The following BPI variants were observed in gnomAD, a reference collection of about 807,000 sequenced individuals.
The protein encoded by BPI is bactericidal permeability-increasing protein.
In BPI, 48 loss-of-function variants were observed where a neutral mutation model predicts 57.6. The observed-to-expected ratio is 0.83, with a 90% CI of 0.66 to 1.06. BPI has a LOEUF of 1.06. Among genes scored for constraint, BPI ranks in the 50% least tolerant of loss-of-function variants. BPI has a pLI of 0.00. For missense variants in BPI, 651 were observed against 609.7 expected, an observed-to-expected ratio of 1.07 and a Z score of -0.71; for synonymous variants, 237 against 238.2, an observed-to-expected ratio of 0.99 and a Z score of 0.05.
In BPI at chr20:38,326,418, T is replaced by A. The variant is rs747746264; in HGVS notation, c.1147T>A (p.Phe383Ile). 1.2e-6 allele frequency: 2 copies of A among 1,613,642 alleles called. No individual in the cohort carries two copies. The highest frequency in any genetic ancestry group is 8.5e-7 in the Non-Finnish European group (1 of 1,179,800). ...VLPNSSLASL[F>I]LIGMHTTGSM... ...CCCCAACTCCTCCCTGGCTTCCCTC[T>A]TCCTGATTGGCATGGTAAGCAGTTC... Residue 383 changes from phenylalanine to isoleucine, a missense_variant, in exon 10 of 15, where the codon TTC (phenylalanine) becomes ATC (isoleucine). Transcript: ENST00000642449.
chr20:38,319,257 CA>C lies in BPI; in HGVS notation c.664+787del, dbSNP rs2076668885. ...CTCAAAAACAAAAAACAAAACAAAA[CA>C]AAAAACACATGAGGAACCTGAGGCT... is the stretch of plus-strand genomic sequence containing the variant. On this transcript the variant is annotated intron_variant, in intron 6 of 14. Transcript: ENST00000642449. Among the ~76,000 whole-genome samples, 3 of 151,998 alleles carry C rather than the reference CA, an allele frequency of 2.0e-5. No individual in the cohort carries two copies. In the South Asian group the frequency reaches 6.2e-4, roughly 32 times the overall value.
intron 14 of BPI, among the ~76,000 whole-genome samples, chr20:38,336,233 G>A (rs781221388): frequency 1.3e-5 from 2 of 151,610 alleles, no homozygotes; most frequent in Non-Finnish European, 2.9e-5. Context: ...TTGTTCTCCT[G>A]CCCCTTCTCT....
At chr20:38,320,075 C>T in intron 6 of BPI, 108 bp from the exon 7 acceptor site, 2 of 945,106 alleles carry the variant, frequency 2.1e-6, no homozygotes, top group Non-Finnish European at 3.4e-6. Flanking sequence ...GGGAATGAAA[C>T]TTGCACTGCA....
At chr20:38,332,703 G>A (rs1246310894) in intron 12 of BPI, among the ~76,000 whole-genome samples, 1 of 152,152 alleles carries the variant, frequency 6.6e-6, no homozygotes, top group Non-Finnish European at 1.5e-5. Context: ...GCTGGTAGGA[G>A]AGGGAAGAGC....
Position 38,337,265 on chromosome 20 carries a change from T to A in BPI, c.*81T>A. 1 of 1,264,640 alleles carries A rather than the reference T, an allele frequency of 7.9e-7. No individual in the cohort carries two copies. The highest frequency in any genetic ancestry group is 1.1e-6 in the Non-Finnish European group (1 of 903,918). 78.3% of individuals were successfully genotyped at this position (1,264,640 alleles called of 1,614,324 possible). On this transcript the variant is annotated 3_prime_UTR_variant, in exon 15 of 15. Coordinates refer to ENST00000642449, the MANE Select transcript of BPI (RefSeq NM_001725.3). ...GCACCGGCTGCCTTTCCCCAGGGAATCCTCTCCAGATCTTAACCAAGAGCC... is the reference window on the plus strand; with the variant it reads ...GCACCGGCTGCCTTTCCCCAGGGAAACCTCTCCAGATCTTAACCAAGAGCC...
rs2076730950 is a variant in BPI, at chr20:38,329,373, T to C, written c.1230-1675T>C. On this transcript the variant is annotated intron_variant, in intron 11 of 14. Coordinates refer to ENST00000642449, the MANE Select transcript of BPI (RefSeq NM_001725.3). ...CCGCCCTCTCCCTGGCACCAAGTCG[T>C]CCTTCTTCACCTTGAGACGAGCCCC... 1.3e-5 allele frequency among the ~76,000 whole-genome samples: 2 copies of C among 152,356 alleles called. 1 individual carries two copies. Among genetic ancestry groups the C allele is most frequent in the South Asian group, 4.1e-4 (2 of 4,828 alleles).
intron 3 of BPI, among the ~76,000 whole-genome samples, chr20:38,309,995 T>A (rs1162002723): frequency 6.6e-6 from 1 of 152,134 alleles, no homozygotes; most frequent in Non-Finnish European, 1.5e-5. Flanking sequence ...CCCTTAATGA[T>A]CACACACAAA....
chr20:38,330,384 A>C (rs1485819195), intron 11 of BPI, among the ~76,000 whole-genome samples: 1 of 152,210 alleles, frequency 6.6e-6, no homozygotes, highest in African/African-American at 2.4e-5. Flanking sequence ...ACTGGTATTC[A>C]GTGGGATAGA....
At chr20:38,330,795 G>A (rs2076738355) in intron 11 of BPI, among the ~76,000 whole-genome samples, 1 of 152,224 alleles carries the variant, frequency 6.6e-6, no homozygotes, top group South Asian at 2.1e-4. Context: ...AATGACTGTA[G>A]CAGAAGAAGT....
rs779087118 is a variant in BPI at position 38,307,643 on chromosome 20, G to C, written c.207G>C (p.Lys69Asn). The C allele has an allele frequency of 1.6e-5, 25 of 1,612,184 alleles. No homozygotes were observed. Among genetic ancestry groups the C allele is most frequent in the Non-Finnish European group, 2.0e-5 (24 of 1,179,232 alleles). ...IKIPDYSDSF[K>N]IKHLGKGHYS... is the part of the protein sequence containing the mutation. Reference sequence around the variant, plus strand: ...TTCCTGACTACTCAGACAGCTTTAAGATCAAGCATCTTGGGAAGGGGCATT... The same window carrying C: ...TTCCTGACTACTCAGACAGCTTTAACATCAAGCATCTTGGGAAGGGGCATT... The change falls in exon 2 of 15, where the codon AAG becomes AAC. Residue 69 changes from lysine to asparagine, a missense_variant. Coordinates refer to ENST00000642449, the MANE Select transcript of BPI (RefSeq NM_001725.3).
At chr20:38,317,958 C>T (rs1490834714) in intron 5 of BPI, 2 of 985,114 alleles carry the variant, frequency 2.0e-6, no homozygotes, top group Non-Finnish European at 2.4e-6. Context: ...CATGAGGGTG[C>T]CCACCTAGAC....
rs2076773383 is a variant in BPI, at chr20:38,337,503, G to A, written c.*319G>A. On this transcript the variant is annotated 3_prime_UTR_variant, in exon 15 of 15. Coordinates refer to ENST00000642449, the MANE Select transcript of BPI (RefSeq NM_001725.3). ...AAAAAACTTCTGGTTTTTTTCATGT[G>A]GATTCTGTGTGCTGGTATTGTTTCT... is the stretch of plus-strand genomic sequence containing the variant. The A allele has an allele frequency of 6.7e-6, 2 of 300,094 alleles. No individual in the cohort carries two copies. Among genetic ancestry groups the A allele is most frequent in the African/African-American group, 4.4e-5 (2 of 45,370 alleles). 18.6% of individuals were successfully genotyped at this position (300,094 alleles called of 1,614,324 possible).
Position 38,323,930 on chromosome 20 carries a change from T to C in BPI, c.817T>C (p.Phe273Leu). Residue 273 changes from phenylalanine to leucine, a missense_variant, in exon 8 of 15, where the codon TTT (phenylalanine) becomes CTT (leucine). Coordinates refer to ENST00000642449, the MANE Select transcript of BPI (RefSeq NM_001725.3). ...TCCCTTTGCTCCACCAGTGATGGAG[T>C]TTCCCGCTGCCCATGACCGCATGGT... ...PPPFAPPVME[F>L]PAAHDRMVYL... 1 of 1,613,960 alleles carries C rather than the reference T, an allele frequency of 6.2e-7. No homozygotes were observed. The highest frequency in any genetic ancestry group is 8.5e-7 in the Non-Finnish European group (1 of 1,179,976).
At chr20:38,322,943 T>C (rs2076693908) in intron 7 of BPI, among the ~76,000 whole-genome samples, 1 of 152,240 alleles carries the variant, frequency 6.6e-6, no homozygotes, top group Non-Finnish European at 1.5e-5. Context: ...ATGTATTCCA[T>C]AATATGGAGG....
intron 1 of BPI, among the ~76,000 whole-genome samples, chr20:38,307,037 A>T (rs577402881): frequency 3.3e-5 from 5 of 152,154 alleles, no homozygotes; most frequent in East Asian, 1.9e-4. Context: ...GTTAAAAAAA[A>T]ATTTTTAAAA....
Position 38,324,593 on chromosome 20 carries a change from A to G in BPI, c.934-181A>G, listed in dbSNP as rs370832538. 1.3e-3 allele frequency among the ~76,000 whole-genome samples: 194 copies of G among 152,194 alleles called. 1 individual carries two copies. In the South Asian group the frequency reaches 0.025, roughly 19 times the overall value. The stretch of plus-strand genomic sequence containing the variant: ...GACCATTCTGGGCCAACTGCTGCAG[A>G]AGGTGTGGTTTGGCTTCCAGGCTGG... On this transcript the variant is annotated intron_variant, in intron 8 of 14. Coordinates refer to ENST00000642449, the MANE Select transcript of BPI (RefSeq NM_001725.3).
intron 7 of BPI, among the ~76,000 whole-genome samples, chr20:38,322,783 T>C (rs1165396998): frequency 6.6e-6 from 1 of 152,202 alleles, no homozygotes; most frequent in Non-Finnish European, 1.5e-5. Flanking sequence ...TAATTTTTTG[T>C]ATTTTTAGTA....
At chr20:38,334,894 A>AG (rs1235151328) in intron 13 of BPI, among the ~76,000 whole-genome samples, 1 of 152,124 alleles carries the variant, frequency 6.6e-6, no homozygotes, top group Non-Finnish European at 1.5e-5. Context: ...AAGCAGGATG[A>AG]GGGGGTTCCC....
chr20:38,329,675 G>A (rs902230531), intron 11 of BPI, among the ~76,000 whole-genome samples: 18 of 152,036 alleles, frequency 1.2e-4, no homozygotes, highest in African/African-American at 3.9e-4. Flanking sequence ...GACAACCAAG[G>A]CTTTGCCTTC....
Sources: allele counts gnomAD v4.1 joint callset (sites outside exome capture counted in the v4.1 genomes callset), GRCh38; gene constraint gnomAD v4.1.1; transcripts MANE v1.5; gene names NCBI Gene and HGNC (gene_info 2026-07-23, HGNC 2026-07-21).